The following CDHR3 variants were observed in gnomAD, a reference collection of about 807,000 sequenced individuals.
CDHR3 encodes cadherin-related family member 3.
CDHR3 carries 79 observed loss-of-function variants against 86.6 expected under a neutral mutation model. The ratio of observed to expected loss-of-function variants is 0.91; its 90% CI spans 0.76 to 1.10. CDHR3 has a LOEUF of 1.10. Ranked by LOEUF, CDHR3 falls within the 50% of genes least tolerant of loss-of-function variation. The probability of loss-of-function intolerance (pLI) is 0.00; values close to 1 mark genes in which losing one functional copy is unlikely to be tolerated. For missense variants in CDHR3, 1,081 were observed against 1,077.6 expected, an observed-to-expected ratio of 1.00 and a Z score of -0.04; for synonymous variants, 421 against 402.4, an observed-to-expected ratio of 1.05 and a Z score of -0.55.
At chr7:105,979,301 G>C (rs1563236715) in intron 2 of CDHR3, among the ~76,000 whole-genome samples, 1 of 152,042 alleles carries the variant, frequency 6.6e-6, no homozygotes, top group Admixed American at 6.5e-5. Flanking sequence ...GCCCAGCATA[G>C]AGACCAGTTC....
At position 106,030,743 on chromosome 7, in the gene CDHR3, G is replaced by C. The variant is rs1441540520; in HGVS notation, c.2305-49G>C. ...TGTGAGGATGTGTAGCTTTGCCTGGGGGAAGGAATGTAGGATTGTGTTTGA... is the reference window on the plus strand; with the variant it reads ...TGTGAGGATGTGTAGCTTTGCCTGGCGGAAGGAATGTAGGATTGTGTTTGA... On this transcript the variant is annotated intron_variant, in intron 17 of 18. Transcript: ENST00000317716. This position sits in a 1 kb window ranked among gnomAD's most constrained non-coding sequence, Gnocchi z 4.8. 1.9e-6 allele frequency: 3 copies of C among 1,571,672 alleles called. No individual in the cohort carries two copies. The highest frequency in any genetic ancestry group is 2.6e-6 in the Non-Finnish European group (3 of 1,150,802).
intron 9 of CDHR3, among the ~76,000 whole-genome samples, 189 bp downstream of exon 9, chr7:106,013,220 T>C (rs1835083001): frequency 6.6e-6 from 1 of 152,226 alleles, no homozygotes; most frequent in African/African-American, 2.4e-5. Context: ...AGGAATCATT[T>C]GTTACACATA....
intron 8 of CDHR3, 55 bp from the exon 9 acceptor site, chr7:106,012,801 AGAAG>A: frequency 6.6e-7 from 1 of 1,525,978 alleles, no homozygotes; most frequent in Non-Finnish European, 8.8e-7. Context: ...GGCCCATGTG[AGAAG>A]GAACAGTCGA....
chr7:106,004,734 G>A, intron 8 of CDHR3, 47 bp downstream of exon 8: 1 of 1,565,062 alleles, frequency 6.4e-7, no homozygotes, highest in Non-Finnish European at 8.8e-7. Context: ...CTCTTTGGTG[G>A]CCCTCTGCCC....
chr7:106,018,984 G>A (rs761224409), intron 12 of CDHR3, among the ~76,000 whole-genome samples: 6 of 152,096 alleles, frequency 3.9e-5, no homozygotes, highest in Non-Finnish European at 5.9e-5. Context: ...GGACCTAATA[G>A]GTCCATGTTG....
intron 1 of CDHR3, among the ~76,000 whole-genome samples, chr7:105,965,567 A>ACCCCCCCC (rs56177648): frequency 3.8e-4 from 30 of 78,258 alleles, no homozygotes; most frequent in Non-Finnish European, 6.8e-4. Context: ...CTCAAGCCCC[A>ACCCCCCCC]CCCCCCCCCA....
At chr7:105,977,244 A>G (rs1828970241) in intron 2 of CDHR3, among the ~76,000 whole-genome samples, 1 of 152,256 alleles carries the variant, frequency 6.6e-6, no homozygotes, top group African/African-American at 2.4e-5. Flanking sequence ...AAGGTGAAAT[A>G]AGAACTTCAT....
intron 4 of CDHR3, among the ~76,000 whole-genome samples, chr7:105,991,377 C>T (rs1360886305): frequency 6.6e-6 from 1 of 151,702 alleles, no homozygotes; most frequent in Non-Finnish European, 1.5e-5. Flanking sequence ...AAGAAATTAG[C>T]CTGGTGTTAA....
chr7:106,001,687 C>T (rs879913455), intron 7 of CDHR3, 77 bp downstream of exon 7: 9 of 1,564,118 alleles, frequency 5.8e-6, no homozygotes, highest in Non-Finnish European at 7.9e-6. Context: ...AGTTGTCCCT[C>T]GTTACCCATG....
chr7:106,017,697 T>C, intron 11 of CDHR3, 149 bp from the exon 12 acceptor site: 3 of 639,696 alleles, frequency 4.7e-6, no homozygotes, highest in Non-Finnish European at 8.2e-6. Context: ...TTATTTCAAT[T>C]TAGTAGAATT....
intron 6 of CDHR3, among the ~76,000 whole-genome samples, chr7:106,001,061 T>C (rs1430277740): frequency 1.3e-5 from 2 of 152,190 alleles, no homozygotes; most frequent in Non-Finnish European, 2.9e-5. Flanking sequence ...CATGTAACTC[T>C]GGACACAGTG....
At chr7:106,011,626 C>T (rs1049570792) in intron 8 of CDHR3, among the ~76,000 whole-genome samples, 2 of 152,070 alleles carry the variant, frequency 1.3e-5, no homozygotes, top group African/African-American at 4.8e-5. Flanking sequence ...TTTTAATTCA[C>T]TCAGTTTTGG....
Position 106,032,811 on chromosome 7 carries a change from A to G in CDHR3, c.*114A>G. On this transcript the variant is annotated 3_prime_UTR_variant, in exon 19 of 19. Transcript: ENST00000317716. Reference sequence around the variant, plus strand: ...AAATGTGGGCTGAGGGGATTCAGACATCCAGGGTCAAACATGGGATGTTTG... The same window carrying G: ...AAATGTGGGCTGAGGGGATTCAGACGTCCAGGGTCAAACATGGGATGTTTG... 1 of 1,127,064 alleles carries G rather than the reference A, an allele frequency of 8.9e-7. No individual in the cohort carries two copies. Among genetic ancestry groups the G allele is most frequent in the Non-Finnish European group, 1.2e-6 (1 of 809,314 alleles). The allele number at this position is 1,127,064 out of a possible 1,614,324, so 69.8% of individuals were successfully genotyped here.
intron 2 of CDHR3, among the ~76,000 whole-genome samples, chr7:105,979,759 T>C (rs1463447985): frequency 3.9e-5 from 6 of 152,166 alleles, no homozygotes; most frequent in Admixed American, 3.9e-4. Context: ...GAGTGTCTCA[T>C]CACCTGGCCC....
chr7:106,006,607 A>T (rs1217559240), intron 8 of CDHR3, among the ~76,000 whole-genome samples: 1 of 152,044 alleles, frequency 6.6e-6, no homozygotes, highest in African/African-American at 2.4e-5. Flanking sequence ...CTCCAAAATG[A>T]TCTCCTTTGA....
At chr7:105,974,102 T>C (rs1828404057) in intron 1 of CDHR3, among the ~76,000 whole-genome samples, 1 of 152,298 alleles carries the variant, frequency 6.6e-6, no homozygotes, top group Admixed American at 6.5e-5. Context: ...CAAAGTCTTG[T>C]AGTGTTGTGC....
chr7:105,965,092 G>C (rs1459307123), intron 1 of CDHR3, among the ~76,000 whole-genome samples: 1 of 152,164 alleles, frequency 6.6e-6, no homozygotes, highest in Non-Finnish European at 1.5e-5. Flanking sequence ...AAATACTTGA[G>C]ATTTCTTATT....
At position 106,022,431 on chromosome 7, in the gene CDHR3, A is replaced by T; in HGVS notation, c.2059A>T (p.Ile687Phe). 1.2e-6 allele frequency: 2 copies of T among 1,613,826 alleles called. No individual in the cohort carries two copies. Among genetic ancestry groups the T allele is most frequent in the Non-Finnish European group, 1.7e-6 (2 of 1,179,772 alleles). ...AGTCATTCCCCACCCAACCACTATC[A>T]TCACCACGACCCCCAGGGTAAGGGC... Reference protein sequence around the residue: ...IKVIPHPTTIITTTPRPRVTY... With the variant: ...IKVIPHPTTIFTTTPRPRVTY... The change falls in exon 14 of 19, where the codon ATC (isoleucine) becomes TTC (phenylalanine). Residue 687 changes from isoleucine to phenylalanine, a missense_variant. Transcript: ENST00000317716.
chr7:105,976,244 T>C (rs774555981), intron 2 of CDHR3, among the ~76,000 whole-genome samples: 2 of 152,198 alleles, frequency 1.3e-5, no homozygotes, highest in Non-Finnish European at 1.5e-5. Context: ...CACTGGGTAC[T>C]GTTGACAGTG....
Sources: allele counts gnomAD v4.1 joint callset (sites outside exome capture counted in the v4.1 genomes callset), GRCh38; gene constraint gnomAD v4.1.1; non-coding constraint Gnocchi (gnomAD v3.1); transcripts MANE v1.5; gene names NCBI Gene and HGNC (gene_info 2026-07-23, HGNC 2026-07-21).